MANBA: variants seen among roughly 807,000 people sequenced by gnomAD.
MANBA encodes the protein beta-mannosidase.
In MANBA, 83 loss-of-function variants were observed where a neutral mutation model predicts 111.1. That is an observed-to-expected ratio of 0.75 (90% CI 0.63 to 0.90). The LOEUF is 0.90. Ranked by LOEUF, MANBA falls within the 40% of genes least tolerant of loss-of-function variation. The pLI is 0.00. For missense variants in MANBA, 1,036 were observed against 1,069.0 expected (o/e 0.97, Z 0.43); for synonymous variants, 370 against 378.7 (o/e 0.98, Z 0.27).
chr4:102,700,614 G>A (rs1732983770), intron 5 of MANBA, among the ~76,000 whole-genome samples: 1 of 152,154 alleles, frequency 6.6e-6, no homozygotes, highest in East Asian at 1.9e-4. Context: ...ATTTCGTTAT[G>A]TACCCAGTAG....
rs1173695438 is a variant in MANBA at position 102,640,287 on chromosome 4, T to C, written c.1870-430A>G. 3.3e-5 allele frequency among the ~76,000 whole-genome samples: 5 copies of C among 152,338 alleles called. No homozygotes were observed. In the East Asian group the frequency reaches 9.6e-4, roughly 29 times the overall value. ...AAAACTTTTACTAGAAAAAATTCTA[T>C]AAGAAAAATAACATTGTTATTATGA... On this transcript the variant is annotated intron_variant, in intron 13 of 16. Coordinates refer to ENST00000647097, the MANE Select transcript of MANBA (RefSeq NM_005908.4).
intron 5 of MANBA, among the ~76,000 whole-genome samples, chr4:102,711,646 A>G (rs1722072246): frequency 6.6e-6 from 1 of 152,234 alleles, no homozygotes. Flanking sequence ...TAACAAAAAG[A>G]TACTTGCACC....
chr4:102,695,158 A>T (rs999695122), intron 5 of MANBA, among the ~76,000 whole-genome samples: 2 of 152,164 alleles, frequency 1.3e-5, no homozygotes, highest in Admixed American at 1.3e-4. Flanking sequence ...GCTCATGTAG[A>T]TGTGTCCAGT....
At chr4:102,736,948 C>G (rs1288006749) in intron 1 of MANBA, among the ~76,000 whole-genome samples, 1 of 152,208 alleles carries the variant, frequency 6.6e-6, no homozygotes, top group Non-Finnish European at 1.5e-5. Context: ...CTCTGGGAAC[C>G]TGAAAATTCA....
intron 16 of MANBA, 56 bp from the exon 17 acceptor site, chr4:102,632,337 T>C: frequency 7.6e-7 from 1 of 1,321,450 alleles, no homozygotes; most frequent in Non-Finnish European, 1.1e-6. Context: ...AGTTATATAG[T>C]CTGTATACAG....
intron 2 of MANBA, among the ~76,000 whole-genome samples, chr4:102,725,658 T>G (rs559897557): frequency 1.3e-5 from 2 of 152,258 alleles, no homozygotes; most frequent in South Asian, 4.2e-4. Flanking sequence ...TTGAAAAGAT[T>G]GGAGAATAAA....
At chr4:102,697,852 T>C (rs1289104696) in intron 5 of MANBA, among the ~76,000 whole-genome samples, 1 of 152,204 alleles carries the variant, frequency 6.6e-6, no homozygotes, top group Admixed American at 6.5e-5. Flanking sequence ...GCATGATTTA[T>C]AGTCCTTTGG....
intron 1 of MANBA, among the ~76,000 whole-genome samples, chr4:102,742,038 C>T (rs1027146471): frequency 1.3e-5 from 2 of 152,162 alleles, no homozygotes; most frequent in Non-Finnish European, 2.9e-5. Context: ...TACTATGAGA[C>T]ACCCCAAGGG....
At chr4:102,741,532 C>T (rs1215852915) in intron 1 of MANBA, among the ~76,000 whole-genome samples, 1 of 152,118 alleles carries the variant, frequency 6.6e-6, no homozygotes, top group Non-Finnish European at 1.5e-5. Context: ...AATATGAAAC[C>T]AGCCTAAATG....
chr4:102,719,769 G>A (rs1172608743), intron 4 of MANBA, among the ~76,000 whole-genome samples: 2 of 152,188 alleles, frequency 1.3e-5, no homozygotes, highest in Non-Finnish European at 2.9e-5. Context: ...GTTATTCTAT[G>A]TTCACAAAGC....
intron 1 of MANBA, among the ~76,000 whole-genome samples, chr4:102,749,552 C>G (rs1578959819): frequency 1.3e-5 from 2 of 152,250 alleles, no homozygotes; most frequent in East Asian, 3.9e-4. Flanking sequence ...ATAACTGTTC[C>G]ATTTGTTTAC....
chr4:102,729,594 A>T, intron 1 of MANBA: 1 of 909,524 alleles, frequency 1.1e-6, no homozygotes, highest in Non-Finnish European at 1.9e-6. Context: ...GATGAGGACA[A>T]ATTCATTCTC....
At chr4:102,637,509 C>A (rs1054333597) in intron 14 of MANBA, among the ~76,000 whole-genome samples, 4 of 152,154 alleles carry the variant, frequency 2.6e-5, no homozygotes, top group Admixed American at 2.6e-4. Flanking sequence ...AGATCATACC[C>A]GCTTTGTCCA....
chr4:102,704,156 T>C (rs992422267), intron 5 of MANBA, among the ~76,000 whole-genome samples: 2 of 151,780 alleles, frequency 1.3e-5, no homozygotes, highest in Admixed American at 1.3e-4. Context: ...CTGATTTGAG[T>C]AATAATAAAA....
chr4:102,734,539 A>G (rs569533895), intron 1 of MANBA: 258 of 1,608,154 alleles, frequency 1.6e-4, no homozygotes, highest in Non-Finnish European at 1.8e-4. Context: ...AGAAGTGCTG[A>G]GGTGACGAGG....
At position 102,690,741 on chromosome 4, in the gene MANBA, A is replaced by G. The variant is rs2110244036; in HGVS notation, c.704T>C (p.Ile235Thr). The change falls in exon 6 of 17, where the codon ATA becomes ACA. Residue 235 changes from isoleucine to threonine, a missense_variant. By Grantham distance (89) the Ile-to-Thr change is moderately conservative. Coordinates refer to ENST00000647097, the MANE Select transcript of MANBA (RefSeq NM_005908.4). Reference protein sequence around the residue: ...DKSAQEWNLEIESTFDVVSSK... With the variant: ...DKSAQEWNLETESTFDVVSSK... ...GCTGACAACATCAAATGTAGACTCTATTTCCAGATTCCACTCCTGGGCACT... is the reference window on the plus strand; with the variant it reads ...GCTGACAACATCAAATGTAGACTCTGTTTCCAGATTCCACTCCTGGGCACT... The G allele has an allele frequency of 1.3e-6, 2 of 1,583,982 alleles. No homozygotes were observed. Among genetic ancestry groups the G allele is most frequent in the Non-Finnish European group, 1.7e-6 (2 of 1,161,924 alleles).
chr4:102,674,408 T>G (rs1295050071), intron 7 of MANBA, among the ~76,000 whole-genome samples: 2 of 152,102 alleles, frequency 1.3e-5, no homozygotes, highest in Non-Finnish European at 2.9e-5. Flanking sequence ...TTCAAAAAAA[T>G]AGAAAAAAAT....
At chr4:102,755,370 A>G (rs1325716878) in intron 1 of MANBA, among the ~76,000 whole-genome samples, 1 of 152,252 alleles carries the variant, frequency 6.6e-6, no homozygotes, top group Non-Finnish European at 1.5e-5. Flanking sequence ...AGAAATAGGG[A>G]AAGGATTCCC....
In MANBA at chr4:102,647,941, G is replaced by GA. The variant is rs566321768; in HGVS notation, c.1869+2595dup. On this transcript the variant is annotated intron_variant, in intron 13 of 16. Transcript: ENST00000647097. ...CATACATTTTTAGATACTAAGATAGGAAAATTTAACTGTGATTATGTTTTT... is the reference window on the plus strand; with the variant it reads ...CATACATTTTTAGATACTAAGATAGGAAAAATTTAACTGTGATTATGTTTTT... Among the ~76,000 whole-genome samples the GA allele has an allele frequency of 6.1e-3, 931 of 152,200 alleles. 2 individuals are homozygous for GA. Among genetic ancestry groups the GA allele is most frequent in the Non-Finnish European group, 8.4e-3 (572 of 67,992 alleles).
Sources: allele counts gnomAD v4.1 joint callset (sites outside exome capture counted in the v4.1 genomes callset), GRCh38; gene constraint gnomAD v4.1.1; transcripts MANE v1.5; gene names NCBI Gene and HGNC (gene_info 2026-07-23, HGNC 2026-07-21).